Variants in PCDHA2 observed in about 807,000 individuals in gnomAD.
PCDHA2 encodes protocadherin alpha 2, also known as protocadherin alpha-2.
Under a neutral mutation model 66.0 loss-of-function variants are expected in PCDHA2, and 58 were observed. That is an observed-to-expected ratio of 0.88 (90% CI 0.71 to 1.09). PCDHA2 has a LOEUF of 1.09. Among genes scored for constraint, PCDHA2 ranks in the 50% least tolerant of loss-of-function variants. The pLI is 0.00. For synonymous variants in PCDHA2, 634 were observed against 554.0 expected (o/e 1.14, Z -2.03); for missense variants, 1,267 against 1,242.3 (o/e 1.02, Z -0.30).
intron 1 of PCDHA2, among the ~76,000 whole-genome samples, chr5:140,846,179 C>G (rs1250648449): frequency 1.3e-5 from 2 of 149,200 alleles, no homozygotes; most frequent in African/African-American, 4.9e-5. Context: ...CCTGAGTAGG[C>G]GTTTGAGTTC....
intron 1 of PCDHA2, chr5:140,967,339 G>A (rs2153751436): frequency 6.2e-7 from 1 of 1,607,904 alleles, no homozygotes; most frequent in Non-Finnish European, 8.5e-7. Context: ...GCCCCAGCGA[G>A]CACTTCGAGC....
intron 1 of PCDHA2, among the ~76,000 whole-genome samples, chr5:140,837,613 G>A (rs1775147694): frequency 6.7e-6 from 1 of 149,168 alleles, no homozygotes. Flanking sequence ...TTTATAATTT[G>A]CCCCTTCCTT....
At chr5:140,911,158 G>A (rs1274383238) in intron 1 of PCDHA2, among the ~76,000 whole-genome samples, 1 of 152,162 alleles carries the variant, frequency 6.6e-6, no homozygotes, top group African/African-American at 2.4e-5. Context: ...TCAGACAAAT[G>A]TGGAAAGGCT....
chr5:140,843,170 A>C lies in PCDHA2; in HGVS notation c.2388+45818A>C, dbSNP rs781918147. Reference sequence around the variant, plus strand: ...GTATGAGCTGCAGCCAGCTGCAAGCAGCCCTCGCATCCCGTTCCGCGTGGG... The same window carrying C: ...GTATGAGCTGCAGCCAGCTGCAAGCCGCCCTCGCATCCCGTTCCGCGTGGG... On this transcript the variant is annotated intron_variant, in intron 1 of 3. Coordinates refer to ENST00000526136, the MANE Select transcript of PCDHA2 (RefSeq NM_018905.3). 12 of 1,595,956 alleles carry C rather than the reference A, an allele frequency of 7.5e-6. 1 individual carries two copies. The highest frequency in any genetic ancestry group is 8.6e-6 in the Non-Finnish European group (10 of 1,165,596).
intron 1 of PCDHA2, chr5:140,836,329 T>C: frequency 6.2e-7 from 1 of 1,613,654 alleles, no homozygotes; most frequent in Non-Finnish European, 8.5e-7. Context: ...CGCCTTCTGG[T>C]GCTTGTGAAG....
At position 140,812,147 on chromosome 5, in the gene PCDHA2, T is replaced by TTTGTTG. The variant is rs2126635624; in HGVS notation, c.2388+14807_2388+14812dup. The TTTGTTG allele has an allele frequency of 7.3e-5, 11 of 150,902 alleles. No individual in the cohort carries two copies. The East Asian group carries it at 1.2e-3, about 16-fold the overall frequency. The allele number at this position is 150,902 out of a possible 1,614,324, so 9.3% of individuals were successfully genotyped here. On this transcript the variant is annotated intron_variant, in intron 1 of 3. Transcript: ENST00000526136. ...CAGGAAAGATATCTGGTTTTGGGCTTTTGTTGTTGTTGTTGTTAGGAGGTT... is the reference window on the plus strand; with the variant it reads ...CAGGAAAGATATCTGGTTTTGGGCTTTTGTTGTTGTTGTTGTTGTTGTTAGGAGGTT...
At chr5:140,823,362 G>A in intron 1 of PCDHA2, 1 of 1,612,752 alleles carries the variant, frequency 6.2e-7, no homozygotes, top group South Asian at 1.1e-5. Flanking sequence ...AAGTGGAGCT[G>A]CTGCAGTTCC....
intron 1 of PCDHA2, chr5:140,842,451 T>A: frequency 6.2e-7 from 1 of 1,613,846 alleles, no homozygotes; most frequent in South Asian, 1.1e-5. Context: ...GTGAACGACC[T>A]CGATTCAGGT....
At chr5:140,917,224 G>T (rs142866496) in intron 1 of PCDHA2, among the ~76,000 whole-genome samples, 1 of 150,920 alleles carries the variant, frequency 6.6e-6, no homozygotes, top group African/African-American at 2.4e-5. Flanking sequence ...TTAGTGATAC[G>T]TTGTTAAATC....
At chr5:140,805,101 C>G (rs1562199500) in intron 1 of PCDHA2, 2 of 1,592,070 alleles carry the variant, frequency 1.3e-6, no homozygotes, top group Non-Finnish European at 1.7e-6. Context: ...CCTCTTGAAA[C>G]TATTGTCTAA....
At chr5:140,860,192 C>CATATATATATAT (rs143984774) in intron 1 of PCDHA2, 7 of 146,860 alleles carry the variant, frequency 4.8e-5, no homozygotes, top group African/African-American at 1.8e-4. Context: ...GCTCTCCTTA[C>CATATATATATAT]ATATATATCT....
intron 1 of PCDHA2, chr5:140,856,464 T>C (rs2044012633): frequency 1.3e-6 from 2 of 1,598,082 alleles, no homozygotes; most frequent in Non-Finnish European, 1.7e-6. Flanking sequence ...GAACAAAAGC[T>C]CTCAATACCT....
intron 3 of PCDHA2, among the ~76,000 whole-genome samples, chr5:140,994,064 A>G (rs902624513): frequency 6.6e-6 from 1 of 152,142 alleles, no homozygotes; most frequent in African/African-American, 2.4e-5. Context: ...TATAAATCTA[A>G]TGGTGAAGGG....
chr5:140,958,162 C>A lies in PCDHA2; in HGVS notation c.2389-20787C>A, dbSNP rs574337485. Among the ~76,000 whole-genome samples the A allele has an allele frequency of 1.1e-4, 16 of 152,028 alleles. No homozygotes were observed. The South Asian group carries it at 3.3e-3, about 32-fold the overall frequency. Reference sequence around the variant, plus strand: ...ATATTTATATAGCATAGTCAAAAGCCTGGAGTGATATAAATTTTCTGTTAC... The same window carrying A: ...ATATTTATATAGCATAGTCAAAAGCATGGAGTGATATAAATTTTCTGTTAC... On this transcript the variant is annotated intron_variant, in intron 1 of 3. Coordinates refer to ENST00000526136, the MANE Select transcript of PCDHA2 (RefSeq NM_018905.3).
chr5:140,808,382 T>C (rs782708840), intron 1 of PCDHA2: 2 of 1,614,186 alleles, frequency 1.2e-6, no homozygotes, highest in Non-Finnish European at 1.7e-6. Context: ...CAAGCTGGTG[T>C]CCACCTTCAA....
Position 140,844,237 on chromosome 5 carries a change from T to C in PCDHA2, c.2388+46885T>C, listed in dbSNP as rs1453017413. Among the ~76,000 whole-genome samples the C allele has an allele frequency of 2.7e-5, 4 of 149,830 alleles. 1 individual carries two copies. The highest frequency in any genetic ancestry group is 4.2e-4 in the South Asian group (2 of 4,726). On this transcript the variant is annotated intron_variant, in intron 1 of 3. Coordinates refer to ENST00000526136, the MANE Select transcript of PCDHA2 (RefSeq NM_018905.3). ...CACAAATATCTTTGGTGTTTCACTA[T>C]TGCCGTTTTAAGCAGTGTAGTGATA...
At chr5:140,834,416 CCGA>C in intron 1 of PCDHA2, 1 of 1,611,158 alleles carries the variant, frequency 6.2e-7, no homozygotes. Context: ...ACCCAGGGGG[CCGA>C]CATCTACTGC....
intron 1 of PCDHA2, chr5:140,966,750 C>T: frequency 7.0e-7 from 1 of 1,428,438 alleles, no homozygotes; most frequent in African/African-American, 1.5e-5. Context: ...CGGCTGCCTC[C>T]GCCGCGGCCA....
chr5:140,809,631 C>T (rs782121997), intron 1 of PCDHA2: 5 of 1,502,120 alleles, frequency 3.3e-6, no homozygotes, highest in Non-Finnish European at 3.6e-6. Context: ...TCAACTTCTT[C>T]GTAAATTTAT....
Sources: allele counts gnomAD v4.1 joint callset (sites outside exome capture counted in the v4.1 genomes callset), GRCh38; gene constraint gnomAD v4.1.1; transcripts MANE v1.5; gene names NCBI Gene and HGNC (gene_info 2026-07-23, HGNC 2026-07-21).